NUDT3: variants seen among roughly 807,000 people sequenced by gnomAD.
NUDT3 encodes nudix hydrolase 3, also known as diphosphoinositol polyphosphate phosphohydrolase 1.
A neutral mutation model predicts 23.6 loss-of-function variants in NUDT3; 9 were observed. The ratio of observed to expected loss-of-function variants is 0.38; its 90% CI spans 0.23 to 0.66. The LOEUF (loss-of-function observed/expected upper bound fraction) is 0.66, where lower values mean the gene tolerates loss of function less well. Among genes scored for constraint, NUDT3 ranks in the 30% least tolerant of loss-of-function variants. The pLI, the probability that NUDT3 is intolerant of heterozygous loss-of-function variation, is 0.52. For missense variants in NUDT3, 172 were observed against 218.5 expected (o/e 0.79, Z 1.34); for synonymous variants, 86 against 82.6 (o/e 1.04, Z -0.22).
rs1445726905 is a variant in NUDT3, at chr6:34,280,273, AG to A, written c.*8479del. The A allele has an allele frequency of 9.2e-5, 14 of 152,296 alleles. No homozygotes were observed. Among genetic ancestry groups the A allele is most frequent in the African/African-American group, 3.4e-4 (14 of 41,480 alleles). 9.4% of individuals were successfully genotyped at this position (152,296 alleles called of 1,614,324 possible). On this transcript the variant is annotated 3_prime_UTR_variant, in exon 5 of 5. Coordinates refer to ENST00000607016, the MANE Select transcript of NUDT3 (RefSeq NM_006703.4). ...GCTGTGAAGACACGGGGAAGAGGCC[AG>A]CCCTGAGCGGGCAAGAAGAAAAGCT...
intron 2 of NUDT3, among the ~76,000 whole-genome samples, chr6:34,297,046 C>A (rs1192195200): frequency 6.6e-6 from 1 of 151,748 alleles, no homozygotes; most frequent in Non-Finnish European, 1.5e-5. Context: ...ATTCTCCCAC[C>A]TCAGCCTCCC....
chr6:34,332,072 G>T (rs908878830), intron 2 of NUDT3, among the ~76,000 whole-genome samples: 1 of 151,876 alleles, frequency 6.6e-6, no homozygotes, highest in African/African-American at 2.4e-5. Flanking sequence ...TTTTTGTAGT[G>T]ATACGGTCTC....
intron 1 of NUDT3, among the ~76,000 whole-genome samples, chr6:34,361,564 A>C (rs1475186746): frequency 6.6e-6 from 1 of 152,172 alleles, no homozygotes; most frequent in East Asian, 1.9e-4. Context: ...TGACACAAAA[A>C]CCTGCACATG....
At position 34,288,757 on chromosome 6, in the gene NUDT3, C is replaced by G. The variant is rs1260291638; in HGVS notation, c.515G>C (p.Arg172Thr). ...VSAQSSMSGI[R>T] The stretch of plus-strand genomic sequence containing the variant: ...TCTCTTACAGGAAGTCTTCAGTCAT[C>G]TGATGCCTGACATCGAGCTCTGAGC... The change falls in exon 5 of 5, where the codon AGA becomes ACA. Residue 172 changes from arginine to threonine, a missense_variant. Around this residue, in one of 3 missense-constraint regions of NUDT3, gnomAD observed 63 missense variants for 64.9 expected, o/e 0.97. Coordinates refer to ENST00000607016, the MANE Select transcript of NUDT3 (RefSeq NM_006703.4). 2 of 1,608,798 alleles carry G rather than the reference C, an allele frequency of 1.2e-6. No homozygotes were observed. Among genetic ancestry groups the G allele is most frequent in the East Asian group, 2.2e-5 (1 of 44,802 alleles).
At chr6:34,342,115 G>A in intron 1 of NUDT3, 143 bp from the exon 2 acceptor site, 1 of 719,498 alleles carries the variant, frequency 1.4e-6, no homozygotes, top group South Asian at 1.9e-5. Context: ...TTGCAAAGTA[G>A]CTTTCGTTTC....
At chr6:34,321,261 A>C (rs1011241702) in intron 2 of NUDT3, among the ~76,000 whole-genome samples, 6 of 151,868 alleles carry the variant, frequency 4.0e-5, no homozygotes, top group Non-Finnish European at 5.9e-5. Flanking sequence ...AACACAGTGA[A>C]ACCCCATCTC....
At chr6:34,372,815 A>G (rs533188341) in intron 1 of NUDT3, among the ~76,000 whole-genome samples, 93 of 152,066 alleles carry the variant, frequency 6.1e-4, no homozygotes, top group African/African-American at 2.1e-3. Context: ...TAAAAAATAT[A>G]TATATATACT....
In NUDT3 at chr6:34,288,941, C is replaced by A. The variant is rs953642255; in HGVS notation, c.341-10G>T. The A allele has an allele frequency of 3.8e-6, 6 of 1,590,972 alleles. No homozygotes were observed. The highest frequency in any genetic ancestry group is 5.1e-6 in the Non-Finnish European group (6 of 1,171,764). On this transcript the variant is annotated splice_polypyrimidine_tract_variant and intron_variant, in intron 4 of 4. Transcript: ENST00000607016. Reference sequence around the variant, plus strand: ...CATTCCCTCTTCCTTCCTGTGGAGGCAGAGAGAAAAGAAACTAGTACAAGA... The same window carrying A: ...CATTCCCTCTTCCTTCCTGTGGAGGAAGAGAGAAAAGAAACTAGTACAAGA...
intron 2 of NUDT3, among the ~76,000 whole-genome samples, chr6:34,314,792 T>C (rs1763833930): frequency 1.3e-5 from 2 of 152,154 alleles, no homozygotes; most frequent in African/African-American, 4.8e-5. Context: ...TCTGTTTTTC[T>C]AGTAATAATA....
chr6:34,371,822 T>C (rs919760709), intron 1 of NUDT3, among the ~76,000 whole-genome samples: 1 of 152,220 alleles, frequency 6.6e-6, no homozygotes, highest in Non-Finnish European at 1.5e-5. Flanking sequence ...CGTATACATG[T>C]GCCATGTTGG....
At chr6:34,328,323 G>A (rs963017046) in intron 2 of NUDT3, among the ~76,000 whole-genome samples, 11 of 152,226 alleles carry the variant, frequency 7.2e-5, no homozygotes, top group African/African-American at 1.7e-4. Context: ...ACTGCATGAC[G>A]TTTTGATGTA....
intron 1 of NUDT3, among the ~76,000 whole-genome samples, chr6:34,355,617 G>A (rs1361300816): frequency 7.1e-6 from 1 of 140,184 alleles, no homozygotes; most frequent in Non-Finnish European, 1.5e-5. Flanking sequence ...AAGAAATTGT[G>A]TAGAATGATA....
intron 2 of NUDT3, among the ~76,000 whole-genome samples, chr6:34,314,318 C>T (rs1011312113): frequency 9.9e-5 from 15 of 150,922 alleles, no homozygotes; most frequent in Non-Finnish European, 1.9e-4. Context: ...TTTGGAAGGC[C>T]GAGGTGGGTG....
chr6:34,310,886 A>T (rs1191895000), intron 2 of NUDT3, among the ~76,000 whole-genome samples: 1 of 151,846 alleles, frequency 6.6e-6, no homozygotes, highest in Non-Finnish European at 1.5e-5. Flanking sequence ...TCAACAAGCT[A>T]AAAGTCACAT....
Position 34,287,348 on chromosome 6 carries a change from T to C in NUDT3, c.*1405A>G, listed in dbSNP as rs539633930. The C allele has an allele frequency of 2.6e-5, 4 of 152,106 alleles. No individual in the cohort carries two copies. Among genetic ancestry groups the C allele is most frequent in the Non-Finnish European group, 5.9e-5 (4 of 68,034 alleles). 9.4% of individuals were successfully genotyped at this position (152,106 alleles called of 1,614,324 possible). On this transcript the variant is annotated 3_prime_UTR_variant, in exon 5 of 5. Transcript: ENST00000607016. ...GTGTAGCCCTCCCTACCCCTCAATC[T>C]CAAGACCCTCTTACTTCCGAACTAA...
At chr6:34,330,956 G>A (rs142119944) in intron 2 of NUDT3, among the ~76,000 whole-genome samples, 14,649 of 152,280 alleles carry the variant, frequency 0.096, 804 homozygotes, top group Non-Finnish European at 0.12. Context: ...CCAGGTTCAA[G>A]CAATTCTCCT....
At chr6:34,311,703 G>A (rs566803172) in intron 2 of NUDT3, among the ~76,000 whole-genome samples, 10 of 152,138 alleles carry the variant, frequency 6.6e-5, no homozygotes, top group East Asian at 3.8e-4. Flanking sequence ...AAGACAGTGT[G>A]GTTTTAGCAA....
intron 2 of NUDT3, among the ~76,000 whole-genome samples, chr6:34,312,277 C>T (rs1481511772): frequency 5.9e-5 from 9 of 151,888 alleles, no homozygotes; most frequent in Non-Finnish European, 2.9e-5. Flanking sequence ...TGGTGCGCGC[C>T]TATAATTCCA....
In NUDT3 at chr6:34,341,928, G is replaced by A; in HGVS notation, c.144C>T (p.Val48=). 2 of 1,614,074 alleles carry A rather than the reference G, an allele frequency of 1.2e-6. No homozygotes were observed. The highest frequency in any genetic ancestry group is 1.1e-5 in the South Asian group (1 of 91,080). ...SSSRHPDRWI[V]PGGGMEPEEE... ...CCTCGGGCTCCATGCCTCCTCCAGG[G>A]ACAATCCATCTGTCTGGATGGCGAC... Residue 48 remains valine, a synonymous_variant, in exon 2 of 5, where the codon GTC becomes GTT. Transcript: ENST00000607016.
Sources: allele counts gnomAD v4.1 joint callset (sites outside exome capture counted in the v4.1 genomes callset), GRCh38; gene constraint gnomAD v4.1.1; regional missense constraint gnomAD v4.1.1; transcripts MANE v1.5; gene names NCBI Gene and HGNC (gene_info 2026-07-23, HGNC 2026-07-21).